Variants in MICU2 observed in about 807,000 individuals in gnomAD.
MICU2 encodes the protein calcium uptake protein 2, mitochondrial.
Under a neutral mutation model 60.4 loss-of-function variants are expected in MICU2, and 64 were observed. The observed-to-expected ratio is 1.06, with a 90% CI of 0.87 to 1.31. MICU2 has a LOEUF of 1.31. MICU2 is among the 50% of genes most tolerant of loss of function. MICU2 has a pLI of 0.00. For missense variants in MICU2, 569 were observed against 531.0 expected (o/e 1.07, Z -0.70); for synonymous variants, 201 against 175.0 (o/e 1.15, Z -1.17).
intron 9 of MICU2, among the ~76,000 whole-genome samples, chr13:21,501,051 C>T (rs1490495825): frequency 6.6e-6 from 1 of 151,976 alleles, no homozygotes; most frequent in Non-Finnish European, 1.5e-5. Context: ...GATTTATGTT[C>T]ATTTTCTCCC....
chr13:21,595,402 C>T (rs767919743), intron 1 of MICU2, among the ~76,000 whole-genome samples: 2 of 152,238 alleles, frequency 1.3e-5, no homozygotes, highest in Non-Finnish European at 2.9e-5. Flanking sequence ...CCCTCACAGA[C>T]CAGCCAGAAC....
chr13:21,578,984 C>G (rs1888286622), intron 1 of MICU2, among the ~76,000 whole-genome samples: 1 of 152,176 alleles, frequency 6.6e-6, no homozygotes, highest in African/African-American at 2.4e-5. Context: ...TCCTGTAAAT[C>G]TGAATGAATG....
chr13:21,507,809 G>C (rs1274006716), intron 8 of MICU2, among the ~76,000 whole-genome samples: 3 of 151,308 alleles, frequency 2.0e-5, no homozygotes, highest in African/African-American at 4.9e-5. Flanking sequence ...TCACCACGTT[G>C]GCCAGGCTGG....
At chr13:21,540,961 CATT>C (rs1054121467) in intron 2 of MICU2, among the ~76,000 whole-genome samples, 1 of 152,078 alleles carries the variant, frequency 6.6e-6, no homozygotes, top group Non-Finnish European at 1.5e-5. Flanking sequence ...AGAAACTGAT[CATT>C]ATTTCTATGC....
intron 2 of MICU2, among the ~76,000 whole-genome samples, chr13:21,548,573 T>C (rs1316659474): frequency 6.6e-6 from 1 of 152,230 alleles, no homozygotes; most frequent in African/African-American, 2.4e-5. Flanking sequence ...GACACTATTA[T>C]TTTATAGATC....
At chr13:21,520,589 C>T (rs998179642) in intron 6 of MICU2, among the ~76,000 whole-genome samples, 1 of 151,818 alleles carries the variant, frequency 6.6e-6, no homozygotes, top group Non-Finnish European at 1.5e-5. Flanking sequence ...CCATAAGGCA[C>T]TGCAATCGAT....
Position 21,502,951 on chromosome 13 carries a change from A to G in MICU2, c.908T>C (p.Val303Ala), listed in dbSNP as rs1351462655. Residue 303 changes from valine to alanine, a missense_variant, in exon 9 of 12, where the codon GTG (valine) becomes GCG (alanine). Transcript: ENST00000382374. ...TENKDIYWKN[V>A]REKLSAGESI... ...CTCTCCTGCTGACAACTTCTCTCTC[A>G]CATTTTTCCAATAAATATCTTTATT... 6.2e-7 allele frequency: 1 copy of G among 1,611,122 alleles called. No homozygotes were observed. Among genetic ancestry groups the G allele is most frequent in the South Asian group, 1.1e-5 (1 of 89,930 alleles).
intron 2 of MICU2, among the ~76,000 whole-genome samples, chr13:21,553,384 T>C (rs1363355276): frequency 6.6e-6 from 1 of 152,180 alleles, no homozygotes; most frequent in Non-Finnish European, 1.5e-5. Flanking sequence ...CAGGGACAAT[T>C]TGACTTCCTC....
chr13:21,555,928 C>G (rs1385783723), intron 2 of MICU2, among the ~76,000 whole-genome samples: 1 of 152,190 alleles, frequency 6.6e-6, no homozygotes, highest in Non-Finnish European at 1.5e-5. Flanking sequence ...CTCTCAAACT[C>G]TTTTCCCTCT....
At chr13:21,583,246 A>G (rs751703201) in intron 1 of MICU2, among the ~76,000 whole-genome samples, 10 of 152,342 alleles carry the variant, frequency 6.6e-5, no homozygotes, top group East Asian at 1.9e-4. Context: ...CCTTGTCTAT[A>G]TAAGTAGAAA....
At position 21,558,382 on chromosome 13, in the gene MICU2, C is replaced by A. The variant is rs76246570; in HGVS notation, c.358+8415G>T. On this transcript the variant is annotated intron_variant, in intron 2 of 11. Coordinates refer to ENST00000382374, the MANE Select transcript of MICU2 (RefSeq NM_152726.3). ...GTCAGTGTTTAATATTTGTAATGACCCCAGGAGGGCTCCTTATAGCTGTCT... is the reference window on the plus strand; with the variant it reads ...GTCAGTGTTTAATATTTGTAATGACACCAGGAGGGCTCCTTATAGCTGTCT... Among the ~76,000 whole-genome samples, 46 of 152,206 alleles carry A rather than the reference C, an allele frequency of 3.0e-4. No individual in the cohort carries two copies. In the East Asian group the frequency reaches 6.6e-3, roughly 22 times the overall value.
intron 10 of MICU2, 168 bp from the exon 11 acceptor site, chr13:21,495,486 C>T (rs571426999): frequency 3.2e-5 from 19 of 598,038 alleles, no homozygotes; most frequent in Middle Eastern, 4.6e-4. Flanking sequence ...CATAAGCCGA[C>T]GAATGTCATG....
chr13:21,585,921 G>A (rs566857055), intron 1 of MICU2, among the ~76,000 whole-genome samples: 5 of 151,940 alleles, frequency 3.3e-5, no homozygotes, highest in Non-Finnish European at 7.4e-5. Flanking sequence ...CTCTATTTTA[G>A]AATTTTGACA....
At chr13:21,493,399 A>C (rs773438159) in intron 11 of MICU2, 46 bp from the exon 12 acceptor site, 3 of 1,355,858 alleles carry the variant, frequency 2.2e-6, no homozygotes, top group Non-Finnish European at 3.1e-6. Flanking sequence ...CTTCAAGGTT[A>C]AACATGATTT....
intron 7 of MICU2, among the ~76,000 whole-genome samples, chr13:21,511,079 G>A (rs981975228): frequency 6.6e-6 from 1 of 152,150 alleles, no homozygotes; most frequent in African/African-American, 2.4e-5. Context: ...CTTGGAGGGT[G>A]GAGTGGGCTG....
chr13:21,590,959 C>T lies in MICU2; in HGVS notation c.210+12980G>A, dbSNP rs1053083350. On this transcript the variant is annotated intron_variant, in intron 1 of 11. Transcript: ENST00000382374. ...AAAAATATAAAGAGCAATGACATTA[C>T]GAAGAAACTGCATCAACTAGTGTGC... 5.3e-5 allele frequency among the ~76,000 whole-genome samples: 8 copies of T among 152,204 alleles called. No homozygotes were observed. The South Asian group carries it at 1.7e-3, about 32-fold the overall frequency.
chr13:21,540,133 GTC>G (rs1887246340), intron 2 of MICU2, among the ~76,000 whole-genome samples: 1 of 152,170 alleles, frequency 6.6e-6, no homozygotes, highest in Non-Finnish European at 1.5e-5. Context: ...TAACTCTCCA[GTC>G]AAATGTAAAA....
In MICU2 at chr13:21,543,464, C is replaced by T. The variant is rs535158802; in HGVS notation, c.359-3776G>A. Among the ~76,000 whole-genome samples the T allele has an allele frequency of 3.0e-4, 46 of 152,200 alleles. No homozygotes were observed. In the South Asian group the frequency reaches 8.9e-3, roughly 29 times the overall value. On this transcript the variant is annotated intron_variant, in intron 2 of 11. Transcript: ENST00000382374. ...AAAAAACTCTTAGAATAAATGAATT[C>T]AGTAAAGTTGCAGATATAAAATCAA... is the stretch of plus-strand genomic sequence containing the variant.
rs1885994680 is a variant in MICU2 at position 21,496,248 on chromosome 13, GA to G, written c.934-89del. 66 of 933,752 alleles carry G rather than the reference GA, an allele frequency of 7.1e-5. No homozygotes were observed. In the South Asian group the frequency reaches 1.0e-3, roughly 15 times the overall value. 57.8% of individuals were successfully genotyped at this position (933,752 alleles called of 1,614,324 possible). A position where few individuals can be genotyped will look rare whatever the true frequency, so the allele number is the denominator to read the frequency against. On this transcript the variant is annotated intron_variant, in intron 9 of 11. Coordinates refer to ENST00000382374, the MANE Select transcript of MICU2 (RefSeq NM_152726.3). ...ACTATGAACTTTCTTTTCTACCGTA[GA>G]GACTAGTATCATTCTAAGAGGAAGA...
Sources: gnomAD v4.1 joint callset for allele counts (sites outside exome capture counted in the v4.1 genomes callset) on GRCh38, gnomAD v4.1.1 for gene constraint, MANE v1.5 for transcripts, NCBI Gene and HGNC (gene_info 2026-07-23, HGNC 2026-07-21) for gene names.